SHISA6: variants seen among roughly 807,000 people sequenced by gnomAD.
SHISA6 encodes shisa family member 6.
SHISA6 carries 22 observed loss-of-function variants against 47.9 expected under a neutral mutation model. The observed-to-expected ratio is 0.46, with a 90% CI of 0.33 to 0.66. The LOEUF (loss-of-function observed/expected upper bound fraction) is 0.66, where lower values mean the gene tolerates loss of function less well. SHISA6 is among the 30% of genes least tolerant of loss of function. The pLI, the probability that SHISA6 is intolerant of heterozygous loss-of-function variation, is 0.02. For missense variants in SHISA6, 680 were observed against 764.6 expected, an observed-to-expected ratio of 0.89 and a Z score of 1.30; for synonymous variants, 388 against 337.8, an observed-to-expected ratio of 1.15 and a Z score of -1.63.
At chr17:11,366,340 T>C (rs1375866807) in intron 2 of SHISA6, among the ~76,000 whole-genome samples, 1 of 152,134 alleles carries the variant, frequency 6.6e-6, no homozygotes, top group Non-Finnish European at 1.5e-5. Flanking sequence ...GGGTTTCGCC[T>C]TGTTGCCCAG....
In SHISA6 at chr17:11,360,995, T is replaced by C. The variant is rs147813246; in HGVS notation, c.800-18419T>C. On this transcript the variant is annotated intron_variant, in intron 2 of 5. Transcript: ENST00000441885. ...TCTTTTTCCCCCACTGATTTGAATGTCGTCTTTATCATATTCTCATTCCTT... is the reference window on the plus strand; with the variant it reads ...TCTTTTTCCCCCACTGATTTGAATGCCGTCTTTATCATATTCTCATTCCTT... 2.4e-3 allele frequency among the ~76,000 whole-genome samples: 363 copies of C among 151,500 alleles called. 1 individual carries two copies. Among genetic ancestry groups the C allele is most frequent in the African/African-American group, 7.9e-3 (325 of 41,348 alleles).
chr17:11,496,467 C>T (rs913985173), intron 3 of SHISA6, among the ~76,000 whole-genome samples: 2 of 152,140 alleles, frequency 1.3e-5, no homozygotes, highest in African/African-American at 2.4e-5. Context: ...GGGCCGGGTA[C>T]GGTGGCTCAC....
intron 1 of SHISA6, among the ~76,000 whole-genome samples, chr17:11,245,132 A>C (rs540299937): frequency 6.6e-6 from 1 of 152,236 alleles, no homozygotes; most frequent in African/African-American, 2.4e-5. Flanking sequence ...TGTGGGGGAA[A>C]CCGTCAGCTC....
At chr17:11,457,495 G>C (rs528451122) in intron 3 of SHISA6, among the ~76,000 whole-genome samples, 1 of 151,554 alleles carries the variant, frequency 6.6e-6, no homozygotes, top group Non-Finnish European at 1.5e-5. Context: ...ACTTTGGGAG[G>C]CCAAGGCAGG....
chr17:11,315,087 A>G (rs923487551), intron 2 of SHISA6, among the ~76,000 whole-genome samples: 4 of 152,198 alleles, frequency 2.6e-5, no homozygotes, highest in South Asian at 2.1e-4. Context: ...TTGAGTTTTC[A>G]TATCCAGAAA....
At chr17:11,284,989 C>T (rs868465099) in intron 2 of SHISA6, among the ~76,000 whole-genome samples, 2 of 152,206 alleles carry the variant, frequency 1.3e-5, no homozygotes, top group South Asian at 4.1e-4. Flanking sequence ...GGCCCTGTGG[C>T]CTGCTACTCA....
intron 3 of SHISA6, among the ~76,000 whole-genome samples, chr17:11,423,278 C>CATAT (rs1323778327): frequency 2.8e-5 from 4 of 144,586 alleles, no homozygotes; most frequent in African/African-American, 7.7e-5. Context: ...ATGGCAGTAA[C>CATAT]ATATATATAT....
At chr17:11,468,810 C>G (rs1467413667) in intron 3 of SHISA6, among the ~76,000 whole-genome samples, 1 of 151,904 alleles carries the variant, frequency 6.6e-6, no homozygotes, top group Non-Finnish European at 1.5e-5. Context: ...CACTTGAGGT[C>G]AGGAGTTTGA....
In SHISA6 at chr17:11,241,627, G is replaced by T. The variant is rs1159591353; in HGVS notation, c.205G>T (p.Glu69Ter). The stretch of plus-strand genomic sequence containing the variant: ...CACCGCCCGGGCGCCCGGAATCCCG[G>T]AGGCGGGAAGCCGGCGGGGGCAGCC... ...NGTARAPGIPEAGSRRGQPAA... is the reference protein window; with the variant it reads ...NGTARAPGIP The change falls in exon 1 of 6, where the codon GAG (glutamate) becomes TAG (stop). Residue 69 changes from glutamate to a stop codon, truncating the protein, a stop_gained. Transcript: ENST00000441885. LOFTEE classifies it high-confidence loss of function. This position sits in a 1 kb window ranked among gnomAD's most constrained non-coding sequence, Gnocchi z 5.5. The T allele has an allele frequency of 7.5e-7, 1 of 1,339,224 alleles. No homozygotes were observed. The highest frequency in any genetic ancestry group is 1.6e-5 in the African/African-American group (1 of 64,432). 83.0% of individuals were successfully genotyped at this position (1,339,224 alleles called of 1,614,324 possible).
chr17:11,287,417 G>C (rs1909347661), intron 2 of SHISA6, among the ~76,000 whole-genome samples: 1 of 151,842 alleles, frequency 6.6e-6, no homozygotes. Context: ...CAGACACAGT[G>C]GCTCATGCCT....
chr17:11,342,680 C>T (rs1911577223), intron 2 of SHISA6, among the ~76,000 whole-genome samples: 1 of 152,178 alleles, frequency 6.6e-6, no homozygotes, highest in African/African-American at 2.4e-5. Flanking sequence ...TTTTGCATAG[C>T]AAGAGATATA....
At chr17:11,533,404 G>A (rs927373782) in intron 3 of SHISA6, among the ~76,000 whole-genome samples, 5 of 151,842 alleles carry the variant, frequency 3.3e-5, no homozygotes, top group South Asian at 2.1e-4. Flanking sequence ...TCATTCTACC[G>A]TCTCTCATCT....
intron 3 of SHISA6, among the ~76,000 whole-genome samples, chr17:11,539,177 G>A (rs1441792867): frequency 6.6e-6 from 1 of 152,074 alleles, no homozygotes; most frequent in Non-Finnish European, 1.5e-5. Flanking sequence ...CCCAATCTCA[G>A]GTGATCCACC....
At chr17:11,530,072 A>G (rs371426205) in intron 3 of SHISA6, among the ~76,000 whole-genome samples, 2 of 152,294 alleles carry the variant, frequency 1.3e-5, no homozygotes, top group South Asian at 2.1e-4. Flanking sequence ...AGTACTGTCA[A>G]TCGGAATCAG....
At chr17:11,333,681 A>ATT (rs1324021890) in intron 2 of SHISA6, among the ~76,000 whole-genome samples, 1 of 151,778 alleles carries the variant, frequency 6.6e-6, no homozygotes, top group African/African-American at 2.4e-5. Context: ...TTCCCGGCTA[A>ATT]TTTTTGTATT....
intron 3 of SHISA6, among the ~76,000 whole-genome samples, chr17:11,477,819 T>C (rs1177669841): frequency 6.6e-6 from 1 of 151,596 alleles, no homozygotes; most frequent in Non-Finnish European, 1.5e-5. Context: ...CAGTCTATCA[T>C]TGTTGGACAT....
intron 3 of SHISA6, among the ~76,000 whole-genome samples, chr17:11,423,660 C>T (rs947480031): frequency 2.0e-5 from 3 of 151,888 alleles, no homozygotes; most frequent in Non-Finnish European, 4.4e-5. Context: ...GAAAAAAGAA[C>T]GTTCCACAAA....
intron 5 of SHISA6, among the ~76,000 whole-genome samples, chr17:11,556,440 T>C (rs1390283187): frequency 2.0e-5 from 3 of 152,164 alleles, no homozygotes; most frequent in Non-Finnish European, 4.4e-5. Context: ...GGGGAGACTC[T>C]GGGCATCAAT....
At chr17:11,316,710 A>G (rs1309258877) in intron 2 of SHISA6, among the ~76,000 whole-genome samples, 1 of 152,024 alleles carries the variant, frequency 6.6e-6, no homozygotes, top group Non-Finnish European at 1.5e-5. Flanking sequence ...GTGAGCTACC[A>G]CGCCCGGCCC....
Sources: allele counts gnomAD v4.1 joint callset (sites outside exome capture counted in the v4.1 genomes callset), GRCh38; gene constraint gnomAD v4.1.1; non-coding constraint Gnocchi (gnomAD v3.1); transcripts MANE v1.5; gene names NCBI Gene and HGNC (gene_info 2026-07-23, HGNC 2026-07-21).